PIH1D1: variants seen among roughly 807,000 people sequenced by gnomAD.
PIH1D1 encodes the protein PIH1 domain containing 1, also known as PIH1 domain-containing protein 1.
PIH1D1 carries 28 observed loss-of-function variants against 38.5 expected under a neutral mutation model. The observed-to-expected ratio is 0.73, with a 90% confidence interval of 0.54 to 1.00. The LOEUF is 1.00. PIH1D1 is among the 50% of genes least tolerant of loss of function. PIH1D1 has a pLI of 0.00. For synonymous variants in PIH1D1, 155 were observed against 153.5 expected, an observed-to-expected ratio of 1.01 and a Z score of -0.07; for missense variants, 343 against 369.9, an observed-to-expected ratio of 0.93 and a Z score of 0.60.
chr19:49,446,860 C>T, intron 7 of PIH1D1, 164 bp downstream of exon 7: 2 of 1,075,234 alleles, frequency 1.9e-6, no homozygotes, highest in East Asian at 4.7e-5. Context: ...CTTACAATCC[C>T]TTGGGCGCCC....
At chr19:49,446,523 A>C (rs1341132087) in intron 8 of PIH1D1, 28 bp downstream of exon 8, 2 of 1,611,016 alleles carry the variant, frequency 1.2e-6, no homozygotes, top group African/African-American at 2.7e-5. Context: ...CCAATGTCCC[A>C]GCTTCCCCAA....
intron 5 of PIH1D1, 122 bp downstream of exon 5, chr19:49,447,704 AC>A: frequency 2.8e-6 from 3 of 1,088,120 alleles, no homozygotes; most frequent in South Asian, 1.3e-5. Context: ...TCCAGACTCC[AC>A]CCCCTCCTAG....
chr19:49,448,574 C>G (rs2079039007), intron 3 of PIH1D1: 1 of 178,440 alleles, frequency 5.6e-6, no homozygotes, highest in African/African-American at 2.4e-5. Context: ...CCCACACCCC[C>G]TCCTCCAGGA....
intron 7 of PIH1D1, 97 bp from the exon 8 acceptor site, chr19:49,446,791 G>A: frequency 3.8e-6 from 5 of 1,313,722 alleles, no homozygotes; most frequent in Non-Finnish European, 5.3e-6. Flanking sequence ...TATATTTGAA[G>A]GGTCTAATCT....
chr19:49,446,377 C>A lies in PIH1D1; in HGVS notation c.*5G>T. ...ACATCTCAGAAGCACAAGGAGACAC[C>A]CTGATCAAGAAGGCACCGGCAGAAG... On this transcript the variant is annotated 3_prime_UTR_variant, in exon 9 of 9. Coordinates refer to ENST00000262265, the MANE Select transcript of PIH1D1 (RefSeq NM_017916.3). The A allele has an allele frequency of 1.2e-6, 1 of 809,546 alleles. No individual in the cohort carries two copies. The highest frequency in any genetic ancestry group is 1.7e-5 in the Admixed American group (1 of 59,070). 50.1% of individuals were successfully genotyped at this position (809,546 alleles called of 1,614,324 possible). A position where few individuals can be genotyped will look rare whatever the true frequency, so the allele number is the denominator to read the frequency against.
At chr19:49,447,729 A>G (rs2079033192) in intron 5 of PIH1D1, 98 bp downstream of exon 5, 1 of 1,281,888 alleles carries the variant, frequency 7.8e-7, no homozygotes, top group South Asian at 1.2e-5. Context: ...CACAGACTCC[A>G]GGGCACCCTG....
In PIH1D1 at chr19:49,447,756, C is replaced by T. The variant is rs187044848; in HGVS notation, c.481+71G>A. ...GGCACCCTGCCCAAGCCAGCCCCTC[C>T]TCTCCTAGGGGTGTTCCCCAAACCG... On this transcript the variant is annotated intron_variant, in intron 5 of 8. Coordinates refer to ENST00000262265, the MANE Select transcript of PIH1D1 (RefSeq NM_017916.3). 999 of 1,487,524 alleles carry T rather than the reference C, an allele frequency of 6.7e-4. 4 individuals are homozygous for T. The East Asian group carries it at 0.021, about 31-fold the overall frequency. The allele number at this position is 1,487,524 out of a possible 1,614,324, so 92.1% of individuals were successfully genotyped here. A position where few individuals can be genotyped will look rare whatever the true frequency, so the allele number is the denominator to read the frequency against.
At chr19:49,448,390 C>T in intron 3 of PIH1D1, 1 of 388,588 alleles carries the variant, frequency 2.6e-6, no homozygotes, top group Non-Finnish European at 4.8e-6. Context: ...GTCTGCCCCT[C>T]CCACCTCTGG....
chr19:49,451,509 C>T lies in PIH1D1; in HGVS notation c.66G>A (p.Ala22=), dbSNP rs142354787. ...CCTGCAGCAGCAGCTCCTCAAATCGCGCCGAATCAGCACCGATCGCCTCCG... is the reference window on the plus strand; with the variant it reads ...CCTGCAGCAGCAGCTCCTCAAATCGTGCCGAATCAGCACCGATCGCCTCCG... ...SEAEAIGADS[A]RFEELLLQAS... The change falls in exon 1 of 9, where the codon GCG becomes GCA. Residue 22 remains alanine, a synonymous_variant. Coordinates refer to ENST00000262265, the MANE Select transcript of PIH1D1 (RefSeq NM_017916.3). The T allele has an allele frequency of 2.5e-5, 40 of 1,613,854 alleles. No homozygotes were observed. The East Asian group carries it at 8.7e-4, about 35-fold the overall frequency.
At chr19:49,449,676 T>C in intron 2 of PIH1D1, 22 bp from the exon 3 acceptor site, 1 of 1,600,976 alleles carries the variant, frequency 6.2e-7, no homozygotes, top group Non-Finnish European at 8.5e-7. Flanking sequence ...GGGTTAGTCA[T>C]GACAATCCTT....
rs754280387 is a variant in PIH1D1, at chr19:49,451,512, C to A, written c.63G>T (p.Ser21=). 6.2e-7 allele frequency: 1 copy of A among 1,613,814 alleles called. No homozygotes were observed. Among genetic ancestry groups the A allele is most frequent in the Non-Finnish European group, 8.5e-7 (1 of 1,179,974 alleles). ...LSEAEAIGAD[S]ARFEELLLQA... is the part of the protein sequence containing the mutation. ...GCAGCAGCAGCTCCTCAAATCGCGC[C>A]GAATCAGCACCGATCGCCTCCGCCT... The change falls in exon 1 of 9, where the codon TCG becomes TCT. Residue 21 remains serine, a synonymous_variant. Transcript: ENST00000262265.
intron 3 of PIH1D1, among the ~76,000 whole-genome samples, chr19:49,448,764 C>A (rs1476845529): frequency 1.3e-5 from 2 of 152,152 alleles, no homozygotes; most frequent in African/African-American, 4.8e-5. Context: ...TTCCCCGGGG[C>A]ACTGCCTAGA....
Position 49,446,655 on chromosome 19 carries a change from G to C in PIH1D1, c.727C>G (p.Arg243Gly), listed in dbSNP as rs149419497. Residue 243 changes from arginine (R) to glycine (G), a missense_variant, in exon 8 of 9, where the codon CGC becomes GGC. Arg to Gly is a moderately radical substitution (Grantham distance 125). Transcript: ENST00000262265. ...TGCTGGGGGCCCCCCATCACCAGGC[G>C]GTTCTCCCCGATCTCCAGCGACAGC... Reference protein sequence around the residue: ...LGLSLEIGENRLVMGGPQQLY... With the variant: ...LGLSLEIGENGLVMGGPQQLY... 7 of 1,593,714 alleles carry C rather than the reference G, an allele frequency of 4.4e-6. No homozygotes were observed. The highest frequency in any genetic ancestry group is 4.5e-5 in the East Asian group (2 of 44,666).
rs1338570458 is a variant in PIH1D1 at position 49,446,359 on chromosome 19, A to G, written c.*23T>C. 1.3e-6 allele frequency: 1 copy of G among 794,554 alleles called. No homozygotes were observed. The highest frequency in any genetic ancestry group is 1.7e-5 in the Admixed American group (1 of 59,058). The allele number at this position is 794,554 out of a possible 1,614,324, so 49.2% of individuals were successfully genotyped here. ...GCCAGCAGCCTCTTCTCCACATCTC[A>G]GAAGCACAAGGAGACACCCTGATCA... On this transcript the variant is annotated 3_prime_UTR_variant, in exon 9 of 9. Coordinates refer to ENST00000262265, the MANE Select transcript of PIH1D1 (RefSeq NM_017916.3).
Position 49,451,658 on chromosome 19 carries a change from G to A in PIH1D1, c.-84C>T. The A allele has an allele frequency of 6.4e-7, 1 of 1,567,114 alleles. No homozygotes were observed. Among genetic ancestry groups the A allele is most frequent in the Non-Finnish European group, 8.6e-7 (1 of 1,161,448 alleles). On this transcript the variant is annotated 5_prime_UTR_variant, in exon 1 of 9. Coordinates refer to ENST00000262265, the MANE Select transcript of PIH1D1 (RefSeq NM_017916.3). ...GGATCCGAACCCCAGTGCCTGCTCTGGCCCTCAATCGACTCCGGATACCTA... is the reference window on the plus strand; with the variant it reads ...GGATCCGAACCCCAGTGCCTGCTCTAGCCCTCAATCGACTCCGGATACCTA...
At chr19:49,447,252 G>A in intron 6 of PIH1D1, 86 bp downstream of exon 6, 2 of 1,569,080 alleles carry the variant, frequency 1.3e-6, no homozygotes, top group South Asian at 2.3e-5. Flanking sequence ...CAGGGCCCCA[G>A]GACATCACCC....
At chr19:49,447,216 TTC>T (rs1254297490) in intron 6 of PIH1D1, 117 bp from the exon 7 acceptor site, 1 of 1,497,722 alleles carries the variant, frequency 6.7e-7, no homozygotes, top group Non-Finnish European at 9.2e-7. Flanking sequence ...CAGTCAGGAG[TTC>T]TCTCTCCTCC....
In PIH1D1 at chr19:49,447,821, C is replaced by G. The variant is rs771500640; in HGVS notation, c.481+6G>C. On this transcript the variant is annotated splice_donor_region_variant and intron_variant, in intron 5 of 8. Coordinates refer to ENST00000262265, the MANE Select transcript of PIH1D1 (RefSeq NM_017916.3). ...CTTTCCCGAGGGCCCAGGACCTGCC[C>G]CTCACCCGGATTCAGCTGCAAGTTG... 1.2e-6 allele frequency: 2 copies of G among 1,613,776 alleles called. No individual in the cohort carries two copies. Among genetic ancestry groups the G allele is most frequent in the African/African-American group, 2.7e-5 (2 of 74,916 alleles).
At chr19:49,447,721 C>CA in intron 5 of PIH1D1, 106 bp downstream of exon 5, 1 of 1,216,084 alleles carries the variant, frequency 8.2e-7, no homozygotes, top group Non-Finnish European at 1.2e-6. Context: ...CCTAGTAGCA[C>CA]AGACTCCAGG....
Sources: gnomAD v4.1 joint callset for allele counts (sites outside exome capture counted in the v4.1 genomes callset) on GRCh38, gnomAD v4.1.1 for gene constraint, MANE v1.5 for transcripts, NCBI Gene and HGNC (gene_info 2026-07-23, HGNC 2026-07-21) for gene names.